Variants in NDUFAB1 observed in about 807,000 individuals in gnomAD.
The protein encoded by NDUFAB1 is acyl carrier protein, mitochondrial.
Under a neutral mutation model 16.1 loss-of-function variants are expected in NDUFAB1, and 5 were observed. The observed-to-expected ratio is 0.31, with a 90% confidence interval of 0.16 to 0.65. NDUFAB1 has a LOEUF of 0.65. NDUFAB1 is among the 30% of genes least tolerant of loss of function. The pLI, the probability that NDUFAB1 is intolerant of heterozygous loss-of-function variation, is 0.77. For synonymous variants in NDUFAB1, 85 were observed against 78.4 expected, an observed-to-expected ratio of 1.08 and a Z score of -0.44; for missense variants, 187 against 205.3, an observed-to-expected ratio of 0.91 and a Z score of 0.54.
rs1016004302 is a variant in NDUFAB1 at position 23,581,950 on chromosome 16, G to A, written c.*8+326C>T. On this transcript the variant is annotated intron_variant, in intron 4 of 4. Transcript: ENST00000007516. ...GGTCACTTCAGTGTCTTACCCAGCA[G>A]GCTGGGCTTACCTTGGCTGAGTAAT... 3 of 166,460 alleles carry A rather than the reference G, an allele frequency of 1.8e-5. No individual in the cohort carries two copies. The East Asian group carries it at 5.1e-4, about 28-fold the overall frequency. 10.3% of individuals were successfully genotyped at this position (166,460 alleles called of 1,614,324 possible). A position where few individuals can be genotyped will look rare whatever the true frequency, so the allele number is the denominator to read the frequency against.
chr16:23,583,348 C>A (rs1397514261), intron 3 of NDUFAB1, among the ~76,000 whole-genome samples: 1 of 151,400 alleles, frequency 6.6e-6, no homozygotes, highest in Admixed American at 6.6e-5. Context: ...CTCTGCCCGG[C>A]CACCCATCGT....
At chr16:23,589,304 A>G (rs1966258981) in intron 1 of NDUFAB1, among the ~76,000 whole-genome samples, 1 of 151,828 alleles carries the variant, frequency 6.6e-6, no homozygotes, top group East Asian at 1.9e-4. Flanking sequence ...CTCAAGAAAA[A>G]AAAAAAAAAA....
chr16:23,582,805 TCCCACGGTCTCCCTCTC>T (rs1341032055), intron 3 of NDUFAB1, among the ~76,000 whole-genome samples: 1 of 129,042 alleles, frequency 7.7e-6, no homozygotes, highest in Non-Finnish European at 1.6e-5. Flanking sequence ...CTCTCCCTCT[TCCCACGGTCTCCCTCTC>T]CCTCTCCCTC....
intron 3 of NDUFAB1, among the ~76,000 whole-genome samples, chr16:23,584,368 A>G (rs542362021): frequency 6.7e-6 from 1 of 150,238 alleles, no homozygotes; most frequent in South Asian, 2.1e-4. Flanking sequence ...TCTTCTTGAC[A>G]TTTCATGTAA....
In NDUFAB1 at chr16:23,593,667, ACT is replaced by A. The variant is rs755663632; in HGVS notation, c.168+2454_168+2455del. On this transcript the variant is annotated intron_variant, in intron 1 of 4. Transcript: ENST00000007516. ...TTCTGGAAGCCCACTGGAGGTGGAA[ACT>A]CTCTGGCCCCTTCCCAGAACTGAAT... Among the ~76,000 whole-genome samples, 4 of 152,194 alleles carry A rather than the reference ACT, an allele frequency of 2.6e-5. No homozygotes were observed. The East Asian group carries it at 7.7e-4, about 29-fold the overall frequency.
chr16:23,589,952 A>G (rs1178164218), intron 1 of NDUFAB1, among the ~76,000 whole-genome samples: 10 of 137,012 alleles, frequency 7.3e-5, no homozygotes, highest in Admixed American at 6.8e-4. Context: ...GAAAAAAAAA[A>G]AAAAAAAAAA....
At chr16:23,591,376 C>T (rs1052608691) in intron 1 of NDUFAB1, among the ~76,000 whole-genome samples, 9 of 152,104 alleles carry the variant, frequency 5.9e-5, no homozygotes, top group Admixed American at 4.6e-4. Flanking sequence ...ATCAGAATCC[C>T]GGTACTCCAC....
chr16:23,583,186 G>C (rs1435829523), intron 3 of NDUFAB1, among the ~76,000 whole-genome samples: 3 of 152,216 alleles, frequency 2.0e-5, no homozygotes, highest in Admixed American at 2.0e-4. Context: ...CCTCCCAGCT[G>C]CCTGCCTTGG....
chr16:23,581,536 G>T (rs1180281282), intron 4 of NDUFAB1, among the ~76,000 whole-genome samples: 1 of 146,392 alleles, frequency 6.8e-6, no homozygotes. Context: ...ACAGAGCAAG[G>T]TTCCATCTTT....
At chr16:23,592,419 G>A (rs1966288427) in intron 1 of NDUFAB1, among the ~76,000 whole-genome samples, 1 of 152,104 alleles carries the variant, frequency 6.6e-6, no homozygotes, top group South Asian at 2.1e-4. Flanking sequence ...TTGGGAGATG[G>A]TACACAGATG....
chr16:23,596,134 C>T lies in NDUFAB1; in HGVS notation c.157G>A (p.Val53Met). The change falls in exon 1 of 5, where the codon GTG becomes ATG. Residue 53 changes from valine (V) to methionine (M), a missense_variant. By Grantham distance (21) the Val-to-Met change is conservative. Coordinates refer to ENST00000007516, the MANE Select transcript of NDUFAB1 (RefSeq NM_005003.3). The stretch of plus-strand genomic sequence containing the variant: ...TCACCACGAGTCACCTGCGCGAGCA[C>T]TAAGGCCGGCTGCAAAGTCCCGAGC... ...TRLGTLQPAL[V>M]LAQVPGRVTQ... 6 of 1,608,394 alleles carry T rather than the reference C, an allele frequency of 3.7e-6. No homozygotes were observed. Among genetic ancestry groups the T allele is most frequent in the Non-Finnish European group, 5.1e-6 (6 of 1,177,898 alleles).
At chr16:23,583,809 G>A (rs1050723691) in intron 3 of NDUFAB1, among the ~76,000 whole-genome samples, 7 of 151,658 alleles carry the variant, frequency 4.6e-5, no homozygotes, top group Admixed American at 6.6e-5. Flanking sequence ...CGGTTGTTTC[G>A]AATAGAAAAG....
intron 3 of NDUFAB1, among the ~76,000 whole-genome samples, chr16:23,583,701 C>T (rs1198584036): frequency 8.0e-6 from 1 of 124,450 alleles, no homozygotes; most frequent in African/African-American, 3.4e-5. Flanking sequence ...GCCCGGCAGC[C>T]GCCCCGTCTG....
intron 1 of NDUFAB1, among the ~76,000 whole-genome samples, chr16:23,589,942 G>GAAAAAAAAAAAA: frequency 1.4e-5 from 1 of 70,504 alleles, no homozygotes; most frequent in Non-Finnish European, 3.1e-5. Context: ...TCTCCAAAAA[G>GAAAAAAAAAAAA]AAAAAAAAAA....
At position 23,596,274 on chromosome 16, in the gene NDUFAB1, A is replaced by G. The variant is rs1360129377; in HGVS notation, c.17T>C (p.Leu6Pro). ...GGGCAGGCGGCTGACATAGGCTGAA[A>G]GGACACGAGACGCCATGGCTACGCC... MASRV[L>P]SAYVSRLPAA... is the part of the protein sequence containing the mutation. Residue 6 changes from leucine to proline, a missense_variant, in exon 1 of 5, where the codon CTT (leucine) becomes CCT (proline). Physicochemically the swap from Leu to Pro is moderately conservative, Grantham distance 98. This residue lies in a region of NDUFAB1 where 135 missense variants were observed against 129.4 expected (regional missense o/e 1.04). Transcript: ENST00000007516. The G allele has an allele frequency of 6.4e-7, 1 of 1,574,424 alleles. No individual in the cohort carries two copies. Among genetic ancestry groups the G allele is most frequent in the Admixed American group, 1.8e-5 (1 of 54,148 alleles).
At chr16:23,590,354 G>T (rs990257393) in intron 1 of NDUFAB1, among the ~76,000 whole-genome samples, 2 of 152,202 alleles carry the variant, frequency 1.3e-5, no homozygotes, top group African/African-American at 4.8e-5. Flanking sequence ...GCTCTCACTA[G>T]TTGTTTGGCC....
At chr16:23,591,927 G>A (rs888090743) in intron 1 of NDUFAB1, among the ~76,000 whole-genome samples, 6 of 152,132 alleles carry the variant, frequency 3.9e-5, no homozygotes, top group Non-Finnish European at 1.5e-5. Context: ...CTGTGCAATG[G>A]GCTGGAAATG....
Position 23,585,742 on chromosome 16 carries a change from A to G in NDUFAB1, c.292-319T>C, listed in dbSNP as rs561020805. On this transcript the variant is annotated intron_variant, in intron 2 of 4. Transcript: ENST00000007516. Reference sequence around the variant, plus strand: ...TGACCTCATTGTTCAGTTCCCACCTATGAGCGAGAACACACAGTGTTTGGT... The same window carrying G: ...TGACCTCATTGTTCAGTTCCCACCTGTGAGCGAGAACACACAGTGTTTGGT... 7.9e-4 allele frequency among the ~76,000 whole-genome samples: 120 copies of G among 152,178 alleles called. 2 individuals are homozygous for G. Among genetic ancestry groups the G allele is most frequent in the Middle Eastern group, 3.4e-3 (1 of 294 alleles).
At chr16:23,581,418 C>T (rs926847905) in intron 4 of NDUFAB1, among the ~76,000 whole-genome samples, 3 of 151,884 alleles carry the variant, frequency 2.0e-5, no homozygotes, top group East Asian at 1.9e-4. Flanking sequence ...TGGAGGTGCA[C>T]GCCTGTAATC....
Sources: gnomAD v4.1 joint callset for allele counts (sites outside exome capture counted in the v4.1 genomes callset) on GRCh38, gnomAD v4.1.1 for gene constraint, gnomAD v4.1.1 regional missense constraint, MANE v1.5 for transcripts, NCBI Gene and HGNC (gene_info 2026-07-23, HGNC 2026-07-21) for gene names.